NEB: variants seen among roughly 807,000 people sequenced by gnomAD.
The protein encoded by NEB is nemaline myopathy type 2.
Under a neutral mutation model 952.2 loss-of-function variants are expected in NEB, and 512 were observed. That is an observed-to-expected ratio of 0.54 (90% CI 0.50 to 0.58). The LOEUF is 0.58. NEB is among the 20% of genes least tolerant of loss of function. The pLI is 0.00. For missense variants in NEB, 8,428 were observed against 9,231.1 expected (o/e 0.91, Z 3.56); for synonymous variants, 2,900 against 3,149.8 (o/e 0.92, Z 2.66).
chr2:151,712,396 G>C (rs996241681), intron 10 of NEB, among the ~76,000 whole-genome samples: 2 of 152,322 alleles, frequency 1.3e-5, no homozygotes, highest in South Asian at 2.1e-4. Flanking sequence ...CTCACAGTGA[G>C]AGATAGATGT....
In NEB at chr2:151,639,997, C is replaced by A. The variant is rs567102938; in HGVS notation, c.8749G>T (p.Asp2917Tyr). The change falls in exon 62 of 182, where the codon GAT (aspartate) becomes TAT (tyrosine). Residue 2917 changes from aspartate to tyrosine, a missense_variant. Physicochemically the swap from Asp to Tyr is radical, Grantham distance 160. Around this residue, in one of 11 missense-constraint regions of NEB, gnomAD observed 1,772 missense variants for 1,960.3 expected, o/e 0.90. Coordinates refer to ENST00000397345, the MANE Select transcript of NEB (RefSeq NM_001164508.2). ...GTTGCCCTTTTGCATTTTTCCACAT[C>A]CAAAGAGCCAATGGACACCCAGCCA... ...GIGWVSIGSLDVEKCKRATEI... is the reference protein window; with the variant it reads ...GIGWVSIGSLYVEKCKRATEI... 2.9e-5 allele frequency: 46 copies of A among 1,613,948 alleles called. No individual in the cohort carries two copies. The East Asian group carries it at 1.0e-3, about 36-fold the overall frequency.
chr2:151,581,703 A>T (rs1414574803), intron 102 of NEB, 116 bp from the exon 103 acceptor site: 5 of 1,183,222 alleles, frequency 4.2e-6, no homozygotes, highest in Non-Finnish European at 4.7e-6. Context: ...AAAAAATTTT[A>T]AGTGAATTTT....
At chr2:151,569,558 T>C (rs1225812380) in intron 109 of NEB, among the ~76,000 whole-genome samples, 186 bp from the exon 110 acceptor site, 7 of 152,196 alleles carry the variant, frequency 4.6e-5, no homozygotes, top group Admixed American at 4.6e-4. Context: ...AACGATAGCA[T>C]ATATTTTTAT....
At chr2:151,673,383 G>T (rs939660562) in intron 36 of NEB, among the ~76,000 whole-genome samples, 1 of 151,188 alleles carries the variant, frequency 6.6e-6, no homozygotes. Flanking sequence ...AGTTTAGCAG[G>T]CAAAAGGATC....
intron 145 of NEB, among the ~76,000 whole-genome samples, 199 bp from the exon 146 acceptor site, chr2:151,529,513 G>A (rs941489101): frequency 6.6e-6 from 1 of 151,612 alleles, no homozygotes; most frequent in Non-Finnish European, 1.5e-5. Flanking sequence ...CACTGACTAT[G>A]GTCATCAGTG....
chr2:151,541,327 G>A (rs2094022878), intron 136 of NEB, 120 bp downstream of exon 136: 1 of 667,616 alleles, frequency 1.5e-6, no homozygotes, highest in Non-Finnish European at 2.6e-6. Context: ...GTGTTAATGG[G>A]CATGAGGTTG....
intron 170 of NEB, 142 bp downstream of exon 170, chr2:151,498,118 A>T: frequency 1.3e-6 from 2 of 1,509,290 alleles, no homozygotes; most frequent in South Asian, 2.5e-5. Context: ...GTATTATAGA[A>T]ATGGGAAAGT....
In NEB at chr2:151,627,578, A is replaced by G; in HGVS notation, c.10088T>C (p.Leu3363Pro). The G allele has an allele frequency of 6.2e-7, 1 of 1,614,042 alleles. No individual in the cohort carries two copies. The highest frequency in any genetic ancestry group is 1.1e-5 in the South Asian group (1 of 91,084). ...YKNYLHEWTC[L>P]PDQNDVIHAR... is the part of the protein sequence containing the mutation. ...ATGGATGACATCATTCTGGTCGGGCAGGCACGTCCACTCGTGCAGGTAGTT... is the reference window on the plus strand; with the variant it reads ...ATGGATGACATCATTCTGGTCGGGCGGGCACGTCCACTCGTGCAGGTAGTT... The change falls in exon 69 of 182, where the codon CTG becomes CCG. Residue 3363 changes from leucine to proline, a missense_variant. Physicochemically the swap from Leu to Pro is moderately conservative, Grantham distance 98. This residue lies in a region of NEB where 1,772 missense variants were observed against 1,960.3 expected (regional missense o/e 0.90). Transcript: ENST00000397345.
chr2:151,492,592 G>A (rs929213031), intron 176 of NEB, 98 bp from the exon 177 acceptor site: 12 of 848,272 alleles, frequency 1.4e-5, no homozygotes, highest in African/African-American at 8.5e-5. Context: ...GGTGAGGGAC[G>A]CTTGGGTCAA....
intron 10 of NEB, among the ~76,000 whole-genome samples, chr2:151,712,994 TTTTGG>T (rs1276775850): frequency 8.5e-5 from 13 of 152,048 alleles, no homozygotes; most frequent in Admixed American, 8.5e-4. Context: ...TCTAGAATTT[TTTTGG>T]TTTGTTTAAC....
chr2:151,490,110 G>C (rs2055005647), intron 180 of NEB, 33 bp from the exon 181 acceptor site: 2 of 1,499,334 alleles, frequency 1.3e-6, no homozygotes, highest in Non-Finnish European at 1.8e-6. Flanking sequence ...TTTATAAGAA[G>C]AAAAATGGCT....
chr2:151,672,447 C>A lies in NEB; in HGVS notation c.4221G>T (p.Gln1407His), dbSNP rs6709752. ...QDVATNVNYKQPLHHYTYLPD... is the reference protein window; with the variant it reads ...QDVATNVNYKHPLHHYTYLPD... ...GTAGGTATGTGTAATGATGCAATGG[C>A]TGTTTGTAGTTGACATTGGTAGCGA... The change falls in exon 37 of 182, where the codon CAG becomes CAT. Residue 1407 changes from glutamine to histidine, a missense_variant. By Grantham distance (24) the Gln-to-His change is conservative (BLOSUM62 0). Transcript: ENST00000397345. 6.2e-7 allele frequency: 1 copy of A among 1,613,958 alleles called. No homozygotes were observed. The highest frequency in any genetic ancestry group is 2.2e-5 in the East Asian group (1 of 44,884).
chr2:151,552,514 C>T (rs866281046), intron 128 of NEB, among the ~76,000 whole-genome samples, 158 bp downstream of exon 128: 4 of 152,198 alleles, frequency 2.6e-5, no homozygotes, highest in African/African-American at 9.6e-5. Context: ...TTTCAGGAAA[C>T]AATAGCCAGC....
At chr2:151,655,754 G>A in intron 50 of NEB, 63 bp downstream of exon 50, 1 of 1,543,568 alleles carries the variant, frequency 6.5e-7, no homozygotes, top group South Asian at 1.1e-5. Flanking sequence ...CTCCAAACAA[G>A]AACCAGAGCC....
At chr2:151,682,623 C>T (rs764955321) in intron 29 of NEB, 39 bp downstream of exon 29, 7 of 1,491,930 alleles carry the variant, frequency 4.7e-6, no homozygotes, top group Non-Finnish European at 5.6e-6. Flanking sequence ...TAACACAACA[C>T]AGTCACCACT....
Position 151,610,002 on chromosome 2 carries a change from T to A in NEB, c.12137A>T (p.Glu4046Val). Residue 4046 changes from glutamate (E) to valine (V), a missense_variant, in exon 81 of 182, where the codon GAG becomes GTG. This residue lies in a region of NEB where 337 missense variants were observed against 297.5 expected (regional missense o/e 1.13). Transcript: ENST00000397345. Reference protein sequence around the residue: ...IHAGKIQSEREYKKEFQKWKT... With the variant: ...IHAGKIQSERVYKKEFQKWKT... Reference sequence around the variant, plus strand: ...CCACTTTTGGAATTCCTTCTTGTACTCCCTTTCACTTTGAATTTTTCCTGC... The same window carrying A: ...CCACTTTTGGAATTCCTTCTTGTACACCCTTTCACTTTGAATTTTTCCTGC... The A allele has an allele frequency of 6.2e-7, 1 of 1,613,932 alleles. No homozygotes were observed. Among genetic ancestry groups the A allele is most frequent in the Non-Finnish European group, 8.5e-7 (1 of 1,179,864 alleles).
Position 151,687,464 on chromosome 2 carries a change from A to G in NEB, c.2592T>C (p.Asp864=). The change falls in exon 27 of 182, where the codon GAT becomes GAC. Residue 864 remains aspartate, a synonymous_variant. Coordinates refer to ENST00000397345, the MANE Select transcript of NEB (RefSeq NM_001164508.2). The part of the protein sequence containing the change: ...KMIGALSIND[D]PKMLHSLKTA... ...TCTTCAAGGAGTGCAGCATCTTTGG[A>G]TCGTCATTAATGCTGAGGGCTCCAA... The G allele has an allele frequency of 6.2e-7, 1 of 1,613,962 alleles. No homozygotes were observed. Among genetic ancestry groups the G allele is most frequent in the East Asian group, 2.2e-5 (1 of 44,888 alleles).
At chr2:151,725,345 A>C in intron 6 of NEB, 108 bp downstream of exon 6, 1 of 840,898 alleles carries the variant, frequency 1.2e-6, no homozygotes, top group Admixed American at 2.4e-5. Flanking sequence ...GAACTAGCTC[A>C]TAGTAATTCA....
Position 151,696,649 on chromosome 2 carries a change from T to C in NEB, c.1557A>G (p.Lys519=), listed in dbSNP as rs2099598904. The stretch of plus-strand genomic sequence containing the variant: ...TAGAGGAACTTACGTCACTCAGTTG[T>C]TTGGAATTGACTTGGGCTTGTAGCA... ...PVLLQAQVNS[K]QLSDLNYKAK... is the part of the protein sequence containing the mutation. The change falls in exon 17 of 182, where the codon AAA becomes AAG. Residue 519 remains lysine, a synonymous_variant. Transcript: ENST00000397345. The C allele has an allele frequency of 1.2e-6, 2 of 1,613,120 alleles. No individual in the cohort carries two copies. Among genetic ancestry groups the C allele is most frequent in the African/African-American group, 1.3e-5 (1 of 74,904 alleles).
Sources: allele counts gnomAD v4.1 joint callset (sites outside exome capture counted in the v4.1 genomes callset), GRCh38; gene constraint gnomAD v4.1.1; regional missense constraint gnomAD v4.1.1; transcripts MANE v1.5; gene names NCBI Gene and HGNC (gene_info 2026-07-23, HGNC 2026-07-21).